Variants in PDE1C observed in about 807,000 individuals in gnomAD.
PDE1C encodes the protein dual specificity calcium/calmodulin-dependent 3',5'-cyclic nucleotide phosphodiesterase 1C.
In PDE1C, 62 loss-of-function variants were observed where a neutral mutation model predicts 93.1. The observed-to-expected ratio is 0.67, with a 90% confidence interval of 0.54 to 0.82. The LOEUF (loss-of-function observed/expected upper bound fraction) is 0.82, where lower values mean the gene tolerates loss of function less well. Ranked by LOEUF, PDE1C falls within the 40% of genes least tolerant of loss-of-function variation. The probability of loss-of-function intolerance (pLI) is 0.00; values close to 1 mark genes in which losing one functional copy is unlikely to be tolerated. For missense variants in PDE1C, 742 were observed against 884.6 expected, an observed-to-expected ratio of 0.84 and a Z score of 2.04; for synonymous variants, 325 against 310.1, an observed-to-expected ratio of 1.05 and a Z score of -0.50.
At chr7:31,806,890 T>C (rs1266089109) in intron 16 of PDE1C, among the ~76,000 whole-genome samples, 1 of 151,896 alleles carries the variant, frequency 6.6e-6, no homozygotes, top group Admixed American at 6.6e-5. Flanking sequence ...ATGTATCCAG[T>C]TTTTTCTACA....
At chr7:31,701,643 AAAGG>A in the PDE1C span, among the ~76,000 whole-genome samples, 1 of 152,250 alleles carries the variant, frequency 6.6e-6, no homozygotes, top group African/African-American at 2.4e-5. Context: ...CTCTATTGTT[AAAGG>A]AAGAGTCCAT....
chr7:32,315,721 C>T (rs1028515055), intron 1 of PDE1C, among the ~76,000 whole-genome samples: 3 of 152,162 alleles, frequency 2.0e-5, no homozygotes, highest in Non-Finnish European at 2.9e-5. Flanking sequence ...TTTTGGCCGG[C>T]GTGGTGGCTC....
chr7:31,789,650 A>G, intron 16 of PDE1C: 1 of 972,774 alleles, frequency 1.0e-6, no homozygotes. Context: ...CAGAAGTGGG[A>G]AAAAAAGCAT....
At chr7:31,721,020 G>A in the PDE1C span, among the ~76,000 whole-genome samples, 7 of 152,160 alleles carry the variant, frequency 4.6e-5, no homozygotes, top group African/African-American at 1.7e-4. Flanking sequence ...AATCCTCAGT[G>A]GCATGATTGT....
the PDE1C span, among the ~76,000 whole-genome samples, chr7:31,681,854 T>A: frequency 6.6e-6 from 1 of 152,218 alleles, no homozygotes. Flanking sequence ...TATCTTCTGA[T>A]GAAATTCACC....
intron 16 of PDE1C, among the ~76,000 whole-genome samples, chr7:31,804,987 C>G (rs1387862368): frequency 2.0e-5 from 3 of 151,716 alleles, no homozygotes; most frequent in Non-Finnish European, 4.4e-5. Context: ...TGGGAGGGAC[C>G]CTCGGGGAGG....
chr7:32,055,638 C>T (rs1312860290), intron 1 of PDE1C, among the ~76,000 whole-genome samples: 1 of 151,942 alleles, frequency 6.6e-6, no homozygotes, highest in Non-Finnish European at 1.5e-5. Flanking sequence ...GAAAAAAAAC[C>T]CCAGTTTATT....
intron 1 of PDE1C, among the ~76,000 whole-genome samples, chr7:32,298,065 C>CCTCTCTCT (rs1562660566): frequency 6.1e-4 from 13 of 21,174 alleles, no homozygotes; most frequent in South Asian, 2.1e-3. Context: ...TCTCTCTCTC[C>CCTCTCTCT]CCTCTCTCTC....
chr7:32,022,125 T>C (rs1419472197), intron 2 of PDE1C, among the ~76,000 whole-genome samples: 1 of 151,278 alleles, frequency 6.6e-6, no homozygotes. Context: ...TCAGCATATA[T>C]TTAATGAGAG....
intron 1 of PDE1C, among the ~76,000 whole-genome samples, chr7:32,326,497 T>C (rs1783406207): frequency 6.6e-6 from 1 of 152,120 alleles, no homozygotes; most frequent in Non-Finnish European, 1.5e-5. Flanking sequence ...AATCCAGAGA[T>C]TACAGTGCCT....
At chr7:31,736,993 C>A in the PDE1C span, among the ~76,000 whole-genome samples, 1 of 152,064 alleles carries the variant, frequency 6.6e-6, no homozygotes, top group South Asian at 2.1e-4. Flanking sequence ...ACTCTGTCAC[C>A]CAGGCTGGAG....
intron 1 of PDE1C, among the ~76,000 whole-genome samples, chr7:32,420,118 T>C (rs949511353): frequency 9.5e-4 from 23 of 24,168 alleles, no homozygotes; most frequent in African/African-American, 1.5e-3. Flanking sequence ...TATATATATA[T>C]ATATATACAC....
At chr7:32,214,439 C>T (rs1236503055) in intron 1 of PDE1C, among the ~76,000 whole-genome samples, 1 of 152,018 alleles carries the variant, frequency 6.6e-6, no homozygotes, top group Non-Finnish European at 1.5e-5. Context: ...ATATTGATGC[C>T]CAGACCACAC....
chr7:32,170,966 C>T (rs1802610279), intron 2 of PDE1C, among the ~76,000 whole-genome samples: 3 of 152,120 alleles, frequency 2.0e-5, no homozygotes, highest in Non-Finnish European at 4.4e-5. Context: ...GGCTCCAGCC[C>T]CCTGAAGTCA....
intron 2 of PDE1C, among the ~76,000 whole-genome samples, chr7:31,910,030 G>A (rs780720835): frequency 9.9e-5 from 15 of 152,232 alleles, no homozygotes; most frequent in Non-Finnish European, 2.1e-4. Flanking sequence ...AATGCCTCCT[G>A]GGAGGTCAAA....
At chr7:31,816,231 G>T in intron 14 of PDE1C, 77 bp from the exon 15 acceptor site, 2 of 1,328,052 alleles carry the variant, frequency 1.5e-6, no homozygotes, top group Non-Finnish European at 1.1e-6. Flanking sequence ...GCCTGTTTTA[G>T]TACACAAAGA....
chr7:32,126,243 A>AGATAGATAGATT (rs1318671988), intron 3 of PDE1C, among the ~76,000 whole-genome samples: 24 of 148,144 alleles, frequency 1.6e-4, no homozygotes, highest in African/African-American at 5.4e-4. Context: ...ATAGATAGAT[A>AGATAGATAGATT]GATTCATTTA....
intron 1 of PDE1C, among the ~76,000 whole-genome samples, chr7:32,242,187 A>G (rs1285290137): frequency 6.6e-6 from 1 of 152,114 alleles, no homozygotes; most frequent in African/African-American, 2.4e-5. Context: ...GAGAGTTGAA[A>G]AGGTATGCAA....
Position 32,031,643 on chromosome 7 carries a change from C to A in PDE1C, c.128+19911G>T, listed in dbSNP as rs181372645. 3.3e-5 allele frequency among the ~76,000 whole-genome samples: 5 copies of A among 152,310 alleles called. No individual in the cohort carries two copies. In the East Asian group the frequency reaches 7.7e-4, roughly 24 times the overall value. On this transcript the variant is annotated intron_variant, in intron 2 of 17. Transcript: ENST00000396191. ...AGGGATCAGAACCCAAGGTTCCTTACAACCAGCCTGATGATCTTGCGTTCA... is the reference window on the plus strand; with the variant it reads ...AGGGATCAGAACCCAAGGTTCCTTAAAACCAGCCTGATGATCTTGCGTTCA...
Sources: gnomAD v4.1 joint callset for allele counts (sites outside exome capture counted in the v4.1 genomes callset) on GRCh38, gnomAD v4.1.1 for gene constraint, MANE v1.5 for transcripts, NCBI Gene and HGNC (gene_info 2026-07-23, HGNC 2026-07-21) for gene names.